Variants in ABCA7 observed in about 807,000 individuals in gnomAD.
ABCA7 encodes the protein phospholipid-transporting ATPase ABCA7.
ABCA7 carries 261 observed loss-of-function variants against 227.6 expected under a neutral mutation model. The ratio of observed to expected loss-of-function variants is 1.15; its 90% confidence interval spans 1.04 to 1.27. The LOEUF (loss-of-function observed/expected upper bound fraction) is 1.27. Among genes scored for constraint, ABCA7 ranks in the 50% most tolerant of loss-of-function variants. The pLI is 0.00. For missense variants in ABCA7, 3,331 were observed against 2,924.5 expected (o/e 1.14, Z -3.21); for synonymous variants, 1,488 against 1,279.7 (o/e 1.16, Z -3.47).
At chr19:1,064,669 T>G in intron 45 of ABCA7, 2 of 550,510 alleles carry the variant, frequency 3.6e-6, no homozygotes, top group Non-Finnish European at 6.1e-6. Context: ...TCAAGTGGGG[T>G]GATAGCTTCG....
Position 1,048,890 on chromosome 19 carries a change from C to T in ABCA7, c.2270-5C>T, listed in dbSNP as rs766626059. On this transcript the variant is annotated splice_region_variant and splice_polypyrimidine_tract_variant and intron_variant, in intron 16 of 46. Transcript: ENST00000263094. ...CTAAGCAATAACCCGCGCCCCTCCC[C>T]GCAGGCCAGTACGGGATCCCTGAAC... 6.0e-5 allele frequency: 96 copies of T among 1,592,660 alleles called. No homozygotes were observed. The Middle Eastern group carries it at 4.3e-3, about 72-fold the overall frequency.
chr19:1,047,476 C>T lies in ABCA7; in HGVS notation c.2091C>T (p.Phe697=), dbSNP rs1383190114. 3.8e-6 allele frequency: 6 copies of T among 1,559,982 alleles called. No individual in the cohort carries two copies. Among genetic ancestry groups the T allele is most frequent in the East Asian group, 2.3e-5 (1 of 42,832 alleles). The change falls in exon 16 of 47, where the codon TTC becomes TTT. Residue 697 remains phenylalanine, a synonymous_variant. Transcript: ENST00000263094. ...VAASLLSPVA[F]GFGCESLALL... The stretch of plus-strand genomic sequence containing the variant: ...AGAGCCTGCTGTCGCCCGTGGCCTT[C>T]GGCTTCGGCTGCGAGAGCCTGGCTC...
chr19:1,050,826 T>C, intron 18 of ABCA7, 95 bp from the exon 19 acceptor site: 2 of 778,630 alleles, frequency 2.6e-6, no homozygotes, highest in Non-Finnish European at 3.4e-6. Context: ...AATAAATAAT[T>C]AAAAATTTTT....
At chr19:1,045,401 G>T (rs1011294473) in intron 12 of ABCA7, 170 bp downstream of exon 12, 3 of 682,808 alleles carry the variant, frequency 4.4e-6, no homozygotes, top group Non-Finnish European at 7.3e-6. Flanking sequence ...ATAGGGGCCC[G>T]TGATGGGCGG....
Position 1,046,911 on chromosome 19 carries a change from C to T in ABCA7, c.1732C>T (p.Arg578Trp), listed in dbSNP as rs564544240. Residue 578 changes from arginine to tryptophan, a missense_variant, in exon 14 of 47, where the codon CGG becomes TGG. By Grantham distance (101) the Arg-to-Trp change is moderately radical. Coordinates refer to ENST00000263094, the MANE Select transcript of ABCA7 (RefSeq NM_019112.4). ...GGTGCGGGAGAAGGAGACGCGGCTG[C>T]GGGACACCATGCGCGCCATGGGGCT... ...AVVREKETRL[R>W]DTMRAMGLSR... is the part of the protein sequence containing the mutation. 3.2e-6 allele frequency: 5 copies of T among 1,551,500 alleles called. No individual in the cohort carries two copies. The East Asian group carries it at 7.0e-5, about 22-fold the overall frequency.
chr19:1,053,514 G>A lies in ABCA7; in HGVS notation c.3406G>A (p.Asp1136Asn), dbSNP rs760777713. The A allele has an allele frequency of 2.5e-5, 39 of 1,569,546 alleles. No homozygotes were observed. The South Asian group carries it at 3.0e-4, about 12-fold the overall frequency. The change falls in exon 24 of 47, where the codon GAC (aspartate) becomes AAC (asparagine). Residue 1136 changes from aspartate (D) to asparagine (N), a missense_variant. Transcript: ENST00000263094. ...ELRLTGYGIS[D>N]TSLEEIFLKV... ...GAGGCTCACTGGCTACGGGATCTCC[G>A]ACACCAGCCTCGAGGAGGTGTGAGG...
Position 1,046,905 on chromosome 19 carries a change from C to G in ABCA7, c.1726C>G (p.Arg576Gly). 1 of 1,556,874 alleles carries G rather than the reference C, an allele frequency of 6.4e-7. No homozygotes were observed. Among genetic ancestry groups the G allele is most frequent in the Non-Finnish European group, 8.7e-7 (1 of 1,155,670 alleles). ...GGCCGTGGTGCGGGAGAAGGAGACG[C>G]GGCTGCGGGACACCATGCGCGCCAT... Reference protein sequence around the residue: ...VKAVVREKETRLRDTMRAMGL... With the variant: ...VKAVVREKETGLRDTMRAMGL... Residue 576 changes from arginine to glycine, a missense_variant, in exon 14 of 47, where the codon CGG becomes GGG. Transcript: ENST00000263094.
Position 1,046,984 on chromosome 19 carries a change from C to T in ABCA7, c.1805C>T (p.Pro602Leu). The T allele has an allele frequency of 6.3e-7, 1 of 1,582,518 alleles. No homozygotes were observed. Among genetic ancestry groups the T allele is most frequent in the African/African-American group, 1.3e-5 (1 of 74,334 alleles). Residue 602 changes from proline to leucine, a missense_variant, in exon 14 of 47, where the codon CCC (proline) becomes CTC (leucine). Transcript: ENST00000263094. Reference sequence around the variant, plus strand: ...GGCTGGTTCCTCAGCTGCCTCGGGCCCTTCCTGCTCAGCGCCGCACTGCTG... The same window carrying T: ...GGCTGGTTCCTCAGCTGCCTCGGGCTCTTCCTGCTCAGCGCCGCACTGCTG... ...WLGWFLSCLGPFLLSAALLVL... is the reference protein window; with the variant it reads ...WLGWFLSCLGLFLLSAALLVL...
At chr19:1,044,169 TG>T (rs970553905) in intron 10 of ABCA7, among the ~76,000 whole-genome samples, 1 of 149,882 alleles carries the variant, frequency 6.7e-6, no homozygotes, top group Non-Finnish European at 1.5e-5. Flanking sequence ...CTCGATCTCC[TG>T]ACCTCGTGAT....
Position 1,055,952 on chromosome 19 carries a change from C to G in ABCA7, c.4238+13C>G, listed in dbSNP as rs200187976. The G allele has an allele frequency of 2.0e-5, 32 of 1,586,486 alleles. No individual in the cohort carries two copies. Among genetic ancestry groups the G allele is most frequent in the African/African-American group, 2.7e-5 (2 of 74,112 alleles). On this transcript the variant is annotated intron_variant, in intron 31 of 46. Transcript: ENST00000263094. Reference sequence around the variant, plus strand: ...TGAATGAGGTCAGGTGAGGAGGGGTCTAGCTTGGGGTCCCCTGCCCCAGTT... The same window carrying G: ...TGAATGAGGTCAGGTGAGGAGGGGTGTAGCTTGGGGTCCCCTGCCCCAGTT...
At chr19:1,055,498 T>G in intron 30 of ABCA7, 147 bp downstream of exon 30, 5 of 520,406 alleles carry the variant, frequency 9.6e-6, no homozygotes, top group Non-Finnish European at 1.5e-5. Context: ...CTTCCTTTCC[T>G]CTTTTTTTTT....
Position 1,047,617 on chromosome 19 carries a change from C to T in ABCA7, c.2232C>T (p.Tyr744=), listed in dbSNP as rs2040838700. Residue 744 remains tyrosine (Y), a synonymous_variant, in exon 16 of 47, where the codon TAC becomes TAT. Transcript: ENST00000263094. ...TTCTGCTGCTGGACGCGGCGCTCTACGGCCTCGCCACCTGGTACCTGGAAG... is the reference window on the plus strand; with the variant it reads ...TTCTGCTGCTGGACGCGGCGCTCTATGGCCTCGCCACCTGGTACCTGGAAG... ...SGLLLLDAAL[Y]GLATWYLEAV... 3.7e-6 allele frequency: 6 copies of T among 1,600,796 alleles called. No homozygotes were observed. The highest frequency in any genetic ancestry group is 2.2e-5 in the South Asian group (2 of 90,736).
intron 24 of ABCA7, 63 bp from the exon 25 acceptor site, chr19:1,053,725 G>A: frequency 1.3e-6 from 2 of 1,569,622 alleles, no homozygotes; most frequent in African/African-American, 1.4e-5. Flanking sequence ...GGGGTGGGGG[G>A]CTCACAAGCC....
Position 1,047,234 on chromosome 19 carries a change from C to T in ABCA7, c.1923C>T (p.Thr641=), listed in dbSNP as rs1473900246. 3.1e-6 allele frequency: 5 copies of T among 1,608,754 alleles called. No homozygotes were observed. Among genetic ancestry groups the T allele is most frequent in the East Asian group, 4.5e-5 (2 of 44,842 alleles). Residue 641 remains threonine, a synonymous_variant, in exon 15 of 47, where the codon ACC becomes ACT. Coordinates refer to ENST00000263094, the MANE Select transcript of ABCA7 (RefSeq NM_019112.4). ...FLAAFAVATV[T]QSFLLSAFFS... is the part of the protein sequence containing the mutation. ...CAGCCTTCGCGGTGGCCACGGTGAC[C>T]CAGAGCTTCCTGCTCAGCGCCTTCT...
At chr19:1,051,793 A>G in intron 21 of ABCA7, 149 bp from the exon 22 acceptor site, 7 of 1,196,488 alleles carry the variant, frequency 5.9e-6, no homozygotes, top group Non-Finnish European at 8.1e-6. Context: ...AGGGCCAGAA[A>G]AGGTTTCCAA....
At chr19:1,064,611 G>T in intron 45 of ABCA7, 1 of 505,674 alleles carries the variant, frequency 2.0e-6, no homozygotes, top group Non-Finnish European at 3.5e-6. Flanking sequence ...TTTATTGTGT[G>T]GGCGGGGGTA....
intron 16 of ABCA7, among the ~76,000 whole-genome samples, chr19:1,047,968 C>T (rs1349573651): frequency 6.6e-6 from 1 of 151,968 alleles, no homozygotes; most frequent in African/African-American, 2.4e-5. Flanking sequence ...GCAGGAGAAT[C>T]GCTTGAGCCC....
chr19:1,050,142 G>T (rs531686078), intron 18 of ABCA7, among the ~76,000 whole-genome samples: 1 of 151,346 alleles, frequency 6.6e-6, no homozygotes, highest in African/African-American at 2.4e-5. Context: ...CGGGAGTGGT[G>T]GCTCACGCCT....
chr19:1,056,485 G>A lies in ABCA7; in HGVS notation c.4572G>A (p.Leu1524=). The A allele has an allele frequency of 6.2e-7, 1 of 1,613,132 alleles. No individual in the cohort carries two copies. Among genetic ancestry groups the A allele is most frequent in the Non-Finnish European group, 8.5e-7 (1 of 1,179,846 alleles). ...CCTTGAACCTCACCAAGGAGCAGCT[G>A]TCTGAGGGTGCACTGTGAGTCCCTC... The part of the protein sequence containing the change: ...NHPLNLTKEQ[L]SEGALMASSV... The change falls in exon 33 of 47, where the codon CTG becomes CTA. Residue 1524 remains leucine, a synonymous_variant. Transcript: ENST00000263094. The surrounding 1 kb of genome is among the most constrained non-coding windows in gnomAD (Gnocchi z 4.3).
Sources: gnomAD v4.1 joint callset for allele counts (sites outside exome capture counted in the v4.1 genomes callset) on GRCh38, gnomAD v4.1.1 for gene constraint, Gnocchi (gnomAD v3.1) non-coding constraint, MANE v1.5 for transcripts, NCBI Gene and HGNC (gene_info 2026-07-23, HGNC 2026-07-21) for gene names.